The following ABLIM1 variants were observed in gnomAD, a reference collection of about 807,000 sequenced individuals.
ABLIM1 encodes actin binding LIM protein 1.
ABLIM1 carries 40 observed loss-of-function variants against 107.0 expected under a neutral mutation model. The observed-to-expected ratio is 0.37, with a 90% CI of 0.29 to 0.49. The LOEUF (loss-of-function observed/expected upper bound fraction) is 0.49. Among genes scored for constraint, ABLIM1 ranks in the 20% least tolerant of loss-of-function variants. The pLI is 0.97. For synonymous variants in ABLIM1, 357 were observed against 357.3 expected (o/e 1.00, Z 0.01); for missense variants, 857 against 1,008.5 (o/e 0.85, Z 2.04).
At chr10:114,499,490 T>C (rs1214300586) in intron 6 of ABLIM1, among the ~76,000 whole-genome samples, 3 of 152,190 alleles carry the variant, frequency 2.0e-5, no homozygotes, top group Non-Finnish European at 4.4e-5. Flanking sequence ...ACTAAGGATA[T>C]ACAAACACCT....
intron 1 of ABLIM1, among the ~76,000 whole-genome samples, chr10:114,696,690 G>T (rs1236765324): frequency 2.0e-4 from 29 of 147,028 alleles, no homozygotes; most frequent in Admixed American, 4.7e-4. Context: ...TGTAAGACAT[G>T]CCTTTCACCT....
chr10:114,497,681 C>CAA (rs576676119), intron 6 of ABLIM1, among the ~76,000 whole-genome samples: 4,427 of 75,452 alleles, frequency 0.059, 216 homozygotes, highest in African/African-American at 0.11. Context: ...GATTCTGTCT[C>CAA]AAAAAAAAAA....
chr10:114,671,464 G>GCA (rs1416555417), intron 1 of ABLIM1, among the ~76,000 whole-genome samples: 3 of 152,164 alleles, frequency 2.0e-5, no homozygotes, highest in Non-Finnish European at 4.4e-5. Flanking sequence ...TTATGTTTAT[G>GCA]CACACACACG....
chr10:114,765,575 T>C (rs1191143211), intron 1 of ABLIM1, among the ~76,000 whole-genome samples: 2 of 152,166 alleles, frequency 1.3e-5, no homozygotes, highest in East Asian at 3.9e-4. Flanking sequence ...GATGACTGAA[T>C]TGAAACACCA....
chr10:114,578,475 C>CTT, intron 2 of ABLIM1, among the ~76,000 whole-genome samples: 1 of 149,230 alleles, frequency 6.7e-6, no homozygotes, highest in Middle Eastern at 3.5e-3. Flanking sequence ...GGCATGAATT[C>CTT]GGCTCACTAC....
chr10:114,753,108 A>G (rs1166768182), intron 1 of ABLIM1, among the ~76,000 whole-genome samples: 1 of 152,102 alleles, frequency 6.6e-6, no homozygotes, highest in Non-Finnish European at 1.5e-5. Context: ...AGTGAGGGGG[A>G]GTCAATATTC....
chr10:114,559,436 C>G (rs1189232915), intron 4 of ABLIM1, among the ~76,000 whole-genome samples: 1 of 31,150 alleles, frequency 3.2e-5, no homozygotes, highest in Non-Finnish European at 9.0e-5. Context: ...AAACTCGTCT[C>G]TCAAAAAAAA....
At position 114,432,679 on chromosome 10, in the gene ABLIM1, C is replaced by A. The variant is rs1367969153; in HGVS notation, c.*3581G>T. 6.6e-6 allele frequency: 1 copy of A among 152,086 alleles called. No individual in the cohort carries two copies. Among genetic ancestry groups the A allele is most frequent in the Non-Finnish European group, 1.5e-5 (1 of 68,032 alleles). 9.4% of individuals were successfully genotyped at this position (152,086 alleles called of 1,614,324 possible). A position where few individuals can be genotyped will look rare whatever the true frequency, so the allele number is the denominator to read the frequency against. Reference sequence around the variant, plus strand: ...TGGATTGGGATGGAGAGGATGAGAACTGAAAAAGAACTGCTCCAGCCTCTG... The same window carrying A: ...TGGATTGGGATGGAGAGGATGAGAAATGAAAAAGAACTGCTCCAGCCTCTG... On this transcript the variant is annotated 3_prime_UTR_variant, in exon 23 of 23. Transcript: ENST00000533213.
At chr10:114,693,430 A>G (rs2081125913) in intron 1 of ABLIM1, among the ~76,000 whole-genome samples, 1 of 152,220 alleles carries the variant, frequency 6.6e-6, no homozygotes, top group Admixed American at 6.5e-5. Flanking sequence ...GGAGTGGACC[A>G]GCCACAGGCT....
chr10:114,774,946 A>G, the ABLIM1 span, among the ~76,000 whole-genome samples: 2 of 152,148 alleles, frequency 1.3e-5, no homozygotes, highest in Non-Finnish European at 2.9e-5. Flanking sequence ...ACACAGGTGT[A>G]TTGTCCGTTC....
intron 2 of ABLIM1, among the ~76,000 whole-genome samples, chr10:114,586,098 C>A (rs184649745): frequency 3.8e-4 from 58 of 152,230 alleles, no homozygotes; most frequent in Admixed American, 3.8e-3. Flanking sequence ...TGACTTTAAG[C>A]CAGTAATTCC....
intron 1 of ABLIM1, among the ~76,000 whole-genome samples, chr10:114,696,117 A>G (rs2081188780): frequency 6.6e-6 from 1 of 152,204 alleles, no homozygotes; most frequent in African/African-American, 2.4e-5. Context: ...TGTCTATGGA[A>G]AATCAGAGAC....
At chr10:114,523,844 T>C (rs905425276) in intron 6 of ABLIM1, among the ~76,000 whole-genome samples, 4 of 152,208 alleles carry the variant, frequency 2.6e-5, no homozygotes, top group Non-Finnish European at 4.4e-5. Context: ...CACTGTGCTA[T>C]ATCCTGGGGG....
chr10:114,517,178 T>A (rs1275015742), intron 6 of ABLIM1, among the ~76,000 whole-genome samples: 1 of 152,194 alleles, frequency 6.6e-6, no homozygotes, highest in East Asian at 1.9e-4. Flanking sequence ...ATGTCCAACC[T>A]GCTTTGCAGA....
chr10:114,476,182 C>T (rs1295489972), intron 8 of ABLIM1, among the ~76,000 whole-genome samples: 1 of 152,204 alleles, frequency 6.6e-6, no homozygotes. Context: ...TCACACCACA[C>T]CCAGGTGGAG....
intron 19 of ABLIM1, 139 bp from the exon 20 acceptor site, chr10:114,440,228 A>G: frequency 1.2e-6 from 1 of 862,598 alleles, no homozygotes; most frequent in Non-Finnish European, 1.8e-6. Flanking sequence ...CAGACTCTGC[A>G]CATGTTATCC....
At chr10:114,700,120 A>T (rs2081279002) in intron 1 of ABLIM1, among the ~76,000 whole-genome samples, 1 of 152,144 alleles carries the variant, frequency 6.6e-6, no homozygotes, top group South Asian at 2.1e-4. Flanking sequence ...TCTTGATTCT[A>T]CCAAAGAAGT....
rs1287119120 is a variant in ABLIM1 at position 114,545,944 on chromosome 10, A to C, written c.801-846T>G. Among the ~76,000 whole-genome samples, 484 of 53,132 alleles carry C rather than the reference A, an allele frequency of 9.1e-3. 4 individuals are homozygous for C. The highest frequency in any genetic ancestry group is 0.021 in the African/African-American group (457 of 21,438). The allele number at this position is 53,132 out of a possible 152,430, so 34.9% of individuals were successfully genotyped here. ...AGACCCCATCTCAAAAAAAAAAAAC[A>C]AAAAAAAAAAACAAGAACACTGAGC... On this transcript the variant is annotated intron_variant, in intron 5 of 22. Transcript: ENST00000533213.
At chr10:114,545,481 A>G (rs2067210812) in intron 5 of ABLIM1, among the ~76,000 whole-genome samples, 1 of 152,242 alleles carries the variant, frequency 6.6e-6, no homozygotes, top group Non-Finnish European at 1.5e-5. Context: ...AACCAGAGAA[A>G]GAATGGTGTT....
Sources: gnomAD v4.1 joint callset for allele counts (sites outside exome capture counted in the v4.1 genomes callset) on GRCh38, gnomAD v4.1.1 for gene constraint, MANE v1.5 for transcripts, NCBI Gene and HGNC (gene_info 2026-07-23, HGNC 2026-07-21) for gene names.